Variants in PRDX3 observed in about 807,000 individuals in gnomAD.
PRDX3 encodes the protein peroxiredoxin 3.
A neutral mutation model predicts 30.4 loss-of-function variants in PRDX3; 20 were observed. That is an observed-to-expected ratio of 0.66 (90% CI 0.46 to 0.96). The LOEUF is 0.96. Ranked by LOEUF, PRDX3 falls within the 40% of genes least tolerant of loss-of-function variation. PRDX3 has a pLI of 0.00. For synonymous variants in PRDX3, 124 were observed against 117.8 expected, an observed-to-expected ratio of 1.05 and a Z score of -0.34; for missense variants, 322 against 318.3, an observed-to-expected ratio of 1.01 and a Z score of -0.09.
Position 119,172,371 on chromosome 10 carries a change from C to T in PRDX3, c.551+11G>A. 6.3e-7 allele frequency: 1 copy of T among 1,581,314 alleles called. No individual in the cohort carries two copies. The highest frequency in any genetic ancestry group is 2.2e-5 in the East Asian group (1 of 44,732). On this transcript the variant is annotated intron_variant, in intron 5 of 6. Coordinates refer to ENST00000298510, the MANE Select transcript of PRDX3 (RefSeq NM_006793.5). ...AAAATAATCTTAAGTTCATCAGAAA[C>T]AGGATCTTACCTTAGTGCAAGACCA...
At chr10:119,172,357 A>G in intron 5 of PRDX3, 25 bp downstream of exon 5, 1 of 1,536,648 alleles carries the variant, frequency 6.5e-7, no homozygotes, top group Non-Finnish European at 9.0e-7. Flanking sequence ...AAATAATCTT[A>G]AGTTCATCAG....
At chr10:119,170,624 G>A (rs1847882138) in intron 5 of PRDX3, 1 of 152,054 alleles carries the variant, frequency 6.6e-6, no homozygotes, top group African/African-American at 2.4e-5. Flanking sequence ...GCCAGGTGCG[G>A]TGGCTCATGC....
intron 6 of PRDX3, among the ~76,000 whole-genome samples, 186 bp from the exon 7 acceptor site, chr10:119,168,719 G>C (rs1462163293): frequency 1.3e-5 from 2 of 151,144 alleles, no homozygotes; most frequent in Non-Finnish European, 2.9e-5. Context: ...GGCTCACGCC[G>C]GTAATCCCAG....
chr10:119,169,110 T>C lies in PRDX3; in HGVS notation c.717+67A>G. 3 of 1,549,606 alleles carry C rather than the reference T, an allele frequency of 1.9e-6. No homozygotes were observed. The South Asian group carries it at 3.5e-5, about 18-fold the overall frequency. On this transcript the variant is annotated intron_variant, in intron 6 of 6. Coordinates refer to ENST00000298510, the MANE Select transcript of PRDX3 (RefSeq NM_006793.5). ...AAGAGTGGGCTCCCTTTTGTGGATATTTCAGGTCAATAGCTCTCGAGGCTG... is the reference window on the plus strand; with the variant it reads ...AAGAGTGGGCTCCCTTTTGTGGATACTTCAGGTCAATAGCTCTCGAGGCTG...
At position 119,172,481 on chromosome 10, in the gene PRDX3, C is replaced by T. The variant is rs1465876209; in HGVS notation, c.452G>A (p.Gly151Asp). 1 of 1,612,378 alleles carries T rather than the reference C, an allele frequency of 6.2e-7. No individual in the cohort carries two copies. Among genetic ancestry groups the T allele is most frequent in the Non-Finnish European group, 8.5e-7 (1 of 1,178,494 alleles). ...TGCGATGTTCATGTGGCCCAAACCA[C>T]CATTCTAATCAAAATGCAAACATGA... is the stretch of plus-strand genomic sequence containing the variant. ...LAWINTPRKN[G>D]GLGHMNIALL... The change falls in exon 5 of 7, where the codon GGT (glycine) becomes GAT (aspartate). Residue 151 changes from glycine (G) to aspartate (D), a missense_variant. Physicochemically the swap from Gly to Asp is moderately conservative, Grantham distance 94. Coordinates refer to ENST00000298510, the MANE Select transcript of PRDX3 (RefSeq NM_006793.5).
intron 1 of PRDX3, among the ~76,000 whole-genome samples, chr10:119,178,372 G>A (rs1848094299): frequency 1.3e-5 from 2 of 152,182 alleles, no homozygotes; most frequent in South Asian, 2.1e-4. Context: ...GTATTTAAGG[G>A]GCTGTTCACA....
At chr10:119,168,950 GC>G (rs1351334859) in intron 6 of PRDX3, among the ~76,000 whole-genome samples, 1 of 141,914 alleles carries the variant, frequency 7.0e-6, no homozygotes, top group African/African-American at 2.7e-5. Context: ...TCCAGCCTGG[GC>G]GAGAGCAAGA....
chr10:119,168,307 T>C lies in PRDX3; in HGVS notation c.*173A>G. ...GATTCCTTGTACTAGCAACTAACCATGTTTAAAAGGTCTTAGCCAGAATTA... is the reference window on the plus strand; with the variant it reads ...GATTCCTTGTACTAGCAACTAACCACGTTTAAAAGGTCTTAGCCAGAATTA... On this transcript the variant is annotated 3_prime_UTR_variant, in exon 7 of 7. Transcript: ENST00000298510. The C allele has an allele frequency of 7.5e-7, 1 of 1,329,910 alleles. No individual in the cohort carries two copies. Among genetic ancestry groups the C allele is most frequent in the Admixed American group, 3.1e-5 (1 of 32,674 alleles). The allele number at this position is 1,329,910 out of a possible 1,614,324, so 82.4% of individuals were successfully genotyped here.
At chr10:119,177,569 G>C (rs1208769557) in intron 1 of PRDX3, among the ~76,000 whole-genome samples, 1 of 149,022 alleles carries the variant, frequency 6.7e-6, no homozygotes, top group Non-Finnish European at 1.5e-5. Context: ...TGAGGCAGGA[G>C]AATTGCTTGA....
chr10:119,168,188 T>C lies in PRDX3; in HGVS notation c.*292A>G. On this transcript the variant is annotated 3_prime_UTR_variant, in exon 7 of 7. Coordinates refer to ENST00000298510, the MANE Select transcript of PRDX3 (RefSeq NM_006793.5). ...AGTAAGGCTAAGAAAGAAGAGTGTT[T>C]CCATTGAGACATGATCTAAGAATAG... is the stretch of plus-strand genomic sequence containing the variant. 1 of 367,030 alleles carries C rather than the reference T, an allele frequency of 2.7e-6. No homozygotes were observed. 22.7% of individuals were successfully genotyped at this position (367,030 alleles called of 1,614,324 possible).
intron 1 of PRDX3, 139 bp from the exon 2 acceptor site, chr10:119,177,292 T>C (rs1848058397): frequency 1.3e-6 from 1 of 770,318 alleles, no homozygotes; most frequent in Non-Finnish European, 2.1e-6. Context: ...GAGCATGGAT[T>C]GGATCTGCAT....
intron 4 of PRDX3, among the ~76,000 whole-genome samples, chr10:119,173,229 C>T (rs1186175378): frequency 6.6e-5 from 10 of 152,302 alleles, no homozygotes; most frequent in East Asian, 5.8e-4. Flanking sequence ...TGAGCCATCA[C>T]GCCCGGCTGC....
chr10:119,176,940 C>T (rs2133665371), intron 2 of PRDX3, 81 bp downstream of exon 2: 3 of 1,566,466 alleles, frequency 1.9e-6, no homozygotes, highest in Non-Finnish European at 2.6e-6. Flanking sequence ...AACGTTTGGC[C>T]AGGGTTCAGA....
rs1847983416 is a variant in PRDX3, at chr10:119,174,589, G to A, written c.173C>T (p.Ser58Phe). Residue 58 changes from serine to phenylalanine, a missense_variant, in exon 3 of 7, where the codon TCC becomes TTC. Transcript: ENST00000298510. ...SSQAKLFSTS[S>F]SCHAPAVTQH... is the part of the protein sequence containing the mutation. ...GGTGACAGCAGGTGCATGGCATGAG[G>A]AACCTGAAAAAAAACCCACACTCAT... The A allele has an allele frequency of 1.9e-6, 3 of 1,579,674 alleles. No homozygotes were observed. Among genetic ancestry groups the A allele is most frequent in the Non-Finnish European group, 1.7e-6 (2 of 1,169,602 alleles).
chr10:119,173,929 A>G lies in PRDX3; in HGVS notation c.312-57T>C, dbSNP rs1847970261. 2.6e-6 allele frequency: 4 copies of G among 1,546,844 alleles called. No individual in the cohort carries two copies. The Admixed American group carries it at 5.6e-5, about 22-fold the overall frequency. Reference sequence around the variant, plus strand: ...GCATTTAAAAACAAGGATTTTAACAATTAGTGGTCTAACAACTAGTTCAAC... The same window carrying G: ...GCATTTAAAAACAAGGATTTTAACAGTTAGTGGTCTAACAACTAGTTCAAC... On this transcript the variant is annotated intron_variant, in intron 3 of 6. Transcript: ENST00000298510.
chr10:119,174,557 C>G lies in PRDX3; in HGVS notation c.205G>C (p.Ala69Pro). 1 of 1,607,826 alleles carries G rather than the reference C, an allele frequency of 6.2e-7. No homozygotes were observed. Among genetic ancestry groups the G allele is most frequent in the African/African-American group, 1.3e-5 (1 of 74,742 alleles). ...SCHAPAVTQH[A>P]PYFKGTAVVN... ...ACGGCTGTACCCTTAAAATAGGGTG[C>G]ATGCTGGGTGACAGCAGGTGCATGG... is the stretch of plus-strand genomic sequence containing the variant. Residue 69 changes from alanine to proline, a missense_variant, in exon 3 of 7, where the codon GCA (alanine) becomes CCA (proline). By Grantham distance (27) the Ala-to-Pro change is conservative. Coordinates refer to ENST00000298510, the MANE Select transcript of PRDX3 (RefSeq NM_006793.5).
chr10:119,169,139 GA>G (rs1353176955), intron 6 of PRDX3, 37 bp downstream of exon 6: 2 of 1,604,690 alleles, frequency 1.2e-6, no homozygotes, highest in Non-Finnish European at 8.5e-7. Flanking sequence ...GAGGCTGAGA[GA>G]ACATGGACCT....
chr10:119,174,743 T>A, intron 2 of PRDX3, 151 bp from the exon 3 acceptor site: 1 of 719,608 alleles, frequency 1.4e-6, no homozygotes, highest in Non-Finnish European at 2.1e-6. Context: ...GGCACAGTCA[T>A]CCTTTGCCAC....
At chr10:119,175,862 T>C (rs557656890) in intron 2 of PRDX3, among the ~76,000 whole-genome samples, 19 of 150,916 alleles carry the variant, frequency 1.3e-4, no homozygotes, top group Admixed American at 2.0e-4. Context: ...CACTGCAACC[T>C]CCGCCTCCCA....
Sources: allele counts gnomAD v4.1 joint callset (sites outside exome capture counted in the v4.1 genomes callset), GRCh38; gene constraint gnomAD v4.1.1; transcripts MANE v1.5; gene names NCBI Gene and HGNC (gene_info 2026-07-23, HGNC 2026-07-21).